Variants in FYN observed in about 807,000 individuals in gnomAD.
FYN encodes the protein tyrosine-protein kinase Fyn.
FYN carries 10 observed loss-of-function variants against 70.2 expected under a neutral mutation model. That is an observed-to-expected ratio of 0.14 (90% confidence interval 0.09 to 0.24). FYN has a LOEUF of 0.24. Ranked by LOEUF, FYN falls within the 10% of genes least tolerant of loss-of-function variation. The pLI, the probability that FYN is intolerant of heterozygous loss-of-function variation, is 1.00. For missense variants in FYN, 319 were observed against 673.1 expected (o/e 0.47, Z 5.82); for synonymous variants, 236 against 248.6 (o/e 0.95, Z 0.48).
Position 111,670,695 on chromosome 6 carries a change from T to C in FYN, c.1405+3804A>G, listed in dbSNP as rs373995400. Among the ~76,000 whole-genome samples, 51 of 142,502 alleles carry C rather than the reference T, an allele frequency of 3.6e-4. 1 individual carries two copies. Among genetic ancestry groups the C allele is most frequent in the African/African-American group, 1.4e-3 (51 of 37,696 alleles). The allele number at this position is 142,502 out of a possible 152,430, so 93.5% of individuals were successfully genotyped here. On this transcript the variant is annotated intron_variant, in intron 13 of 13. Coordinates refer to ENST00000354650, the MANE Select transcript of FYN (RefSeq NM_002037.5). The stretch of plus-strand genomic sequence containing the variant: ...AAGGGAAGCCGTGGACGTTTTTAAC[T>C]AGCAGGGTGAGATAACCAGGTCTGT...
intron 2 of FYN, chr6:111,844,879 T>C (rs550552666): frequency 6.6e-6 from 1 of 152,384 alleles, no homozygotes; most frequent in South Asian, 2.1e-4. Flanking sequence ...GTTTGTGTTT[T>C]TCAATTTAAA....
At chr6:111,702,746 C>T in intron 8 of FYN, 139 bp downstream of exon 8, 2 of 722,038 alleles carry the variant, frequency 2.8e-6, no homozygotes, top group East Asian at 2.8e-5. Context: ...CAAGCCCTAC[C>T]ATTAAGGGCT....
At chr6:111,747,281 A>G (rs900551706) in intron 3 of FYN, among the ~76,000 whole-genome samples, 1 of 152,204 alleles carries the variant, frequency 6.6e-6, no homozygotes, top group Admixed American at 6.5e-5. Context: ...CAACCAAGAG[A>G]TAATACCTGG....
intron 2 of FYN, among the ~76,000 whole-genome samples, chr6:111,807,737 A>AT (rs1047189692): frequency 6.6e-6 from 1 of 152,124 alleles, no homozygotes; most frequent in African/African-American, 2.4e-5. Context: ...TGGAACCTGC[A>AT]TTTTCATAAC....
At position 111,791,834 on chromosome 6, in the gene FYN, C is replaced by G. The variant is rs559596929; in HGVS notation, c.-81-11199G>C. On this transcript the variant is annotated intron_variant, in intron 2 of 13. Transcript: ENST00000354650. ...CCTAGGAAATGAATACAATGGGTAT[C>G]CGTATGAAAGAAATGAATCTTAACT... Among the ~76,000 whole-genome samples the G allele has an allele frequency of 7.9e-5, 12 of 152,250 alleles. No individual in the cohort carries two copies. In the East Asian group the frequency reaches 2.1e-3, roughly 27 times the overall value.
At chr6:111,678,099 G>A (rs1798613949) in intron 12 of FYN, among the ~76,000 whole-genome samples, 1 of 113,832 alleles carries the variant, frequency 8.8e-6, no homozygotes, top group Admixed American at 9.0e-5. Flanking sequence ...AATACACGAA[G>A]GCCATAATAT....
chr6:111,673,619 A>ACTGTTTTTTTTTTT (rs1301768351), intron 13 of FYN, among the ~76,000 whole-genome samples: 3 of 65,004 alleles, frequency 4.6e-5, no homozygotes, highest in Admixed American at 2.1e-4. Context: ...CGTTTCTATC[A>ACTGTTTTTTTTTTT]TTGTTTTTTT....
rs540278314 is a variant in FYN at position 111,721,146 on chromosome 6, G to A, written c.-11-1084C>T. Among the ~76,000 whole-genome samples the A allele has an allele frequency of 2.9e-4, 44 of 152,208 alleles. No individual in the cohort carries two copies. In the South Asian group the frequency reaches 3.3e-3, roughly 11 times the overall value. On this transcript the variant is annotated intron_variant, in intron 3 of 13. Coordinates refer to ENST00000354650, the MANE Select transcript of FYN (RefSeq NM_002037.5). Reference sequence around the variant, plus strand: ...TAGTTAATAAGGCACCGCTTCCTCTGCAAGGCGTTCTCCGACTGCCCTGCC... The same window carrying A: ...TAGTTAATAAGGCACCGCTTCCTCTACAAGGCGTTCTCCGACTGCCCTGCC...
intron 2 of FYN, among the ~76,000 whole-genome samples, chr6:111,783,218 T>G (rs901565121): frequency 7.9e-5 from 12 of 152,202 alleles, no homozygotes; most frequent in Non-Finnish European, 1.8e-4. Flanking sequence ...TGAAAACCAC[T>G]TATAAGGGCA....
intron 2 of FYN, among the ~76,000 whole-genome samples, chr6:111,794,670 A>G (rs1283821127): frequency 6.6e-6 from 1 of 152,178 alleles, no homozygotes; most frequent in Non-Finnish European, 1.5e-5. Flanking sequence ...ACAAAATTAA[A>G]ATCTCAGTGC....
rs1799502984 is a variant in FYN, at chr6:111,694,788, G to C, written c.1043-84C>G. ...GCTGTATTTGGTTTTCTTATTAAAA[G>C]TAATAAGGTAGTCAAATGGAATAAT... On this transcript the variant is annotated intron_variant, in intron 10 of 13. Transcript: ENST00000354650. This position sits in a 1 kb window ranked among gnomAD's most constrained non-coding sequence, Gnocchi z 5.0. 6.7e-6 allele frequency: 8 copies of C among 1,193,902 alleles called. No homozygotes were observed. The highest frequency in any genetic ancestry group is 9.6e-6 in the Non-Finnish European group (8 of 833,944). 74.0% of individuals were successfully genotyped at this position (1,193,902 alleles called of 1,614,324 possible).
rs562462722 is a variant in FYN, at chr6:111,774,879, C to T, written c.-12+5687G>A. 3.3e-5 allele frequency among the ~76,000 whole-genome samples: 5 copies of T among 152,212 alleles called. No individual in the cohort carries two copies. The South Asian group carries it at 8.3e-4, about 25-fold the overall frequency. Reference sequence around the variant, plus strand: ...AATTATAGGCGTGTGCCACCACATCCGGCTAACTTTTGCATTTTTAGTAGA... The same window carrying T: ...AATTATAGGCGTGTGCCACCACATCTGGCTAACTTTTGCATTTTTAGTAGA... On this transcript the variant is annotated intron_variant, in intron 3 of 13. Transcript: ENST00000354650.
At chr6:111,871,806 G>T (rs560962930) in intron 1 of FYN, among the ~76,000 whole-genome samples, 22 of 152,324 alleles carry the variant, frequency 1.4e-4, no homozygotes, top group African/African-American at 5.1e-4. Context: ...AGACTGCTGG[G>T]ATAACTGTTC....
At chr6:111,789,614 T>C (rs999885897) in intron 2 of FYN, among the ~76,000 whole-genome samples, 1 of 152,194 alleles carries the variant, frequency 6.6e-6, no homozygotes. Context: ...GAATGAAGCA[T>C]ACAGTTATAA....
intron 2 of FYN, among the ~76,000 whole-genome samples, chr6:111,802,338 A>G (rs557856904): frequency 3.9e-5 from 6 of 152,242 alleles, no homozygotes; most frequent in Non-Finnish European, 5.9e-5. Context: ...GCCTCCACAG[A>G]AGCTGAGCAG....
intron 2 of FYN, among the ~76,000 whole-genome samples, chr6:111,826,885 CT>C (rs1772851499): frequency 6.6e-6 from 1 of 152,174 alleles, no homozygotes; most frequent in African/African-American, 2.4e-5. Context: ...TGTTCTGTTT[CT>C]TTGATAAAAT....
intron 3 of FYN, among the ~76,000 whole-genome samples, chr6:111,757,662 T>C (rs1183838208): frequency 6.6e-6 from 1 of 152,220 alleles, no homozygotes; most frequent in Non-Finnish European, 1.5e-5. Flanking sequence ...AGGGAGACAT[T>C]GGTCAAGAGG....
At chr6:111,820,974 CTAAT>C (rs930028918) in intron 2 of FYN, among the ~76,000 whole-genome samples, 15 of 152,176 alleles carry the variant, frequency 9.9e-5, no homozygotes, top group Admixed American at 5.9e-4. Context: ...TTAACCATGA[CTAAT>C]TAACTCTGAG....
chr6:111,834,426 C>T (rs1179358233), intron 2 of FYN, among the ~76,000 whole-genome samples: 2 of 152,288 alleles, frequency 1.3e-5, no homozygotes, highest in East Asian at 3.9e-4. Flanking sequence ...CTTCCCAGTA[C>T]TCTGACCCTC....
Sources: gnomAD v4.1 joint callset for allele counts (sites outside exome capture counted in the v4.1 genomes callset) on GRCh38, gnomAD v4.1.1 for gene constraint, Gnocchi (gnomAD v3.1) non-coding constraint, MANE v1.5 for transcripts, NCBI Gene and HGNC (gene_info 2026-07-23, HGNC 2026-07-21) for gene names.